TDRD1: variants seen among roughly 807,000 people sequenced by gnomAD.
TDRD1 encodes the protein tudor domain containing 1, also known as tudor domain-containing protein 1.
TDRD1 carries 37 observed loss-of-function variants against 140.6 expected under a neutral mutation model. The observed-to-expected ratio is 0.26, with a 90% CI of 0.20 to 0.35. The LOEUF is 0.35. Ranked by LOEUF, TDRD1 falls within the 10% of genes least tolerant of loss-of-function variation. The probability of loss-of-function intolerance (pLI) is 1.00; values close to 1 mark genes in which losing one functional copy is unlikely to be tolerated. For missense variants in TDRD1, 1,243 were observed against 1,393.0 expected (o/e 0.89, Z 1.71); for synonymous variants, 506 against 475.7 (o/e 1.06, Z -0.83).
At chr10:114,221,566 G>A (rs1449625902) in intron 20 of TDRD1, 90 bp downstream of exon 20, 2 of 1,237,890 alleles carry the variant, frequency 1.6e-6, no homozygotes, top group South Asian at 2.7e-5. Context: ...GGAATGAAGG[G>A]GAGAAAGAGG....
intron 2 of TDRD1, among the ~76,000 whole-genome samples, chr10:114,189,441 T>C (rs1429719651): frequency 6.6e-6 from 1 of 152,190 alleles, no homozygotes; most frequent in Non-Finnish European, 1.5e-5. Context: ...AGCCCTTTAC[T>C]TCAAGGAAAA....
chr10:114,186,489 C>A (rs1016984586), intron 1 of TDRD1, among the ~76,000 whole-genome samples: 2 of 142,714 alleles, frequency 1.4e-5, no homozygotes, highest in Non-Finnish European at 1.5e-5. Context: ...TGATCTCGAT[C>A]TCCTGACCTC....
intron 3 of TDRD1, among the ~76,000 whole-genome samples, chr10:114,193,477 A>G (rs1453780517): frequency 1.3e-5 from 2 of 151,880 alleles, no homozygotes; most frequent in Non-Finnish European, 2.9e-5. Flanking sequence ...ATTTTTTAGT[A>G]GAGACGTGGT....
intron 10 of TDRD1, among the ~76,000 whole-genome samples, chr10:114,205,738 A>AGGTG (rs2035056569): frequency 1.3e-5 from 2 of 152,178 alleles, no homozygotes; most frequent in Admixed American, 6.5e-5. Context: ...GGCTGGGAGT[A>AGGTG]GGTGGGGATG....
intron 21 of TDRD1, among the ~76,000 whole-genome samples, 193 bp from the exon 22 acceptor site, chr10:114,225,856 C>CAA (rs369019516): frequency 1.4e-4 from 14 of 102,656 alleles, no homozygotes; most frequent in African/African-American, 2.7e-4. Flanking sequence ...GACCCTGTCT[C>CAA]AAAAAAAAAA....
At chr10:114,212,098 G>A (rs2035522412) in intron 14 of TDRD1, 62 bp downstream of exon 14, 1 of 1,460,764 alleles carries the variant, frequency 6.8e-7, no homozygotes. Context: ...AACATGAAAA[G>A]ATACACGAAA....
chr10:114,224,319 A>T (rs1190555157), intron 21 of TDRD1, among the ~76,000 whole-genome samples: 1 of 152,174 alleles, frequency 6.6e-6, no homozygotes, highest in Admixed American at 6.5e-5. Flanking sequence ...CAAACTTTGT[A>T]TGTTTTTTCC....
intron 13 of TDRD1, 59 bp from the exon 14 acceptor site, chr10:114,211,807 G>A (rs2035502821): frequency 3.5e-6 from 5 of 1,429,782 alleles, no homozygotes; most frequent in Non-Finnish European, 4.6e-6. Context: ...AGGAAGAAAG[G>A]TTTTTATTTA....
At position 114,214,137 on chromosome 10, in the gene TDRD1, T is replaced by C. The variant is rs746569589; in HGVS notation, c.2212+23T>C. 4 of 1,608,948 alleles carry C rather than the reference T, an allele frequency of 2.5e-6. No individual in the cohort carries two copies. In the African/African-American group the frequency reaches 5.3e-5, roughly 21 times the overall value. ...ATGGTAAGTTGATTCTTGTCATTTGTTTCTTTTTACAAATACATTGGCATA... is the reference window on the plus strand; with the variant it reads ...ATGGTAAGTTGATTCTTGTCATTTGCTTCTTTTTACAAATACATTGGCATA... On this transcript the variant is annotated intron_variant, in intron 16 of 25. Transcript: ENST00000251864.
At chr10:114,213,475 A>G in exon 15 of TDRD1, 3 of 1,614,082 alleles carry the variant, frequency 1.9e-6, no homozygotes, top group Non-Finnish European at 2.5e-6. Flanking sequence ...GAGCTTATTG[A>G]TAAATCCGAG....
chr10:114,188,139 G>A (rs1266768658), exon 2 of TDRD1: 1 of 1,576,772 alleles, frequency 6.3e-7, no homozygotes, highest in Admixed American at 2.0e-5. Flanking sequence ...AAAGGAGACA[G>A]GAAAAAATTG....
exon 6 of TDRD1, chr10:114,202,274 A>G: frequency 6.2e-7 from 1 of 1,603,228 alleles, no homozygotes; most frequent in South Asian, 1.1e-5. Context: ...CTATTGAAAC[A>G]AAGGATGTGG....
At chr10:114,214,007 C>T in exon 16 of TDRD1, 2 of 1,613,788 alleles carry the variant, frequency 1.2e-6, no homozygotes, top group Non-Finnish European at 1.7e-6. Flanking sequence ...AAAGTAAATC[C>T]ATTGGAGTGG....
Position 114,198,724 on chromosome 10 carries a change from G to A in TDRD1, c.385-449G>A, listed in dbSNP as rs976470089. On this transcript the variant is annotated intron_variant, in intron 3 of 25. Coordinates refer to ENST00000251864, the Ensembl canonical transcript of TDRD1. ...GTGGCTGTTCACAGGCACTATCATA[G>A]CTCGCTACAGCCTTGAGCTCCTGAG... Among the ~76,000 whole-genome samples, 5 of 152,146 alleles carry A rather than the reference G, an allele frequency of 3.3e-5. No homozygotes were observed. In the East Asian group the frequency reaches 9.6e-4, roughly 29 times the overall value.
intron 2 of TDRD1, among the ~76,000 whole-genome samples, chr10:114,190,025 C>T (rs1056532230): frequency 5.9e-5 from 9 of 152,092 alleles, no homozygotes; most frequent in African/African-American, 1.9e-4. Flanking sequence ...TATTATTTGC[C>T]TTTAACAGAG....
intron 3 of TDRD1, among the ~76,000 whole-genome samples, chr10:114,196,112 T>C (rs2034329772): frequency 6.6e-6 from 1 of 152,222 alleles, no homozygotes; most frequent in Admixed American, 6.5e-5. Context: ...TAATTTAGAA[T>C]GCTCAACAAG....
exon 15 of TDRD1, chr10:114,213,432 G>C: frequency 1.2e-6 from 2 of 1,614,118 alleles, no homozygotes; most frequent in South Asian, 2.2e-5. Context: ...CACAGTGAAA[G>C]TGGTGGACAA....
chr10:114,215,083 T>C (rs1465831060), intron 16 of TDRD1, among the ~76,000 whole-genome samples: 3 of 152,134 alleles, frequency 2.0e-5, no homozygotes, highest in Non-Finnish European at 4.4e-5. Context: ...TGCTTTCTAA[T>C]AGCATAGATA....
At chr10:114,206,957 C>T (rs1188076470) in intron 11 of TDRD1, among the ~76,000 whole-genome samples, 1 of 152,098 alleles carries the variant, frequency 6.6e-6, no homozygotes, top group Non-Finnish European at 1.5e-5. Context: ...GTTTGTTTTT[C>T]TTCCTTCTTG....
Sources: allele counts gnomAD v4.1 joint callset (sites outside exome capture counted in the v4.1 genomes callset), GRCh38; gene constraint gnomAD v4.1.1; transcripts MANE v1.5; gene names NCBI Gene and HGNC (gene_info 2026-07-23, HGNC 2026-07-21).